The following GRIK4 variants were observed in gnomAD, a reference collection of about 807,000 sequenced individuals.
GRIK4 encodes the protein glutamate receptor ionotropic, kainate 4.
GRIK4 carries 40 observed loss-of-function variants against 104.9 expected under a neutral mutation model. The ratio of observed to expected loss-of-function variants is 0.38; its 90% CI spans 0.30 to 0.50. The LOEUF (loss-of-function observed/expected upper bound fraction) is 0.50, where lower values mean the gene tolerates loss of function less well. Among genes scored for constraint, GRIK4 ranks in the 20% least tolerant of loss-of-function variants. GRIK4 has a pLI of 0.93. For synonymous variants in GRIK4, 485 were observed against 524.9 expected (o/e 0.92, Z 1.04); for missense variants, 1,047 against 1,308.1 (o/e 0.80, Z 3.08).
At chr11:120,780,419 G>A (rs7945234) in intron 3 of GRIK4, among the ~76,000 whole-genome samples, 3,622 of 152,232 alleles carry the variant, frequency 0.024, 166 homozygotes, top group African/African-American at 0.083. Flanking sequence ...ATTTCACTTA[G>A]CATAATGTTT....
chr11:120,631,426 T>C (rs1399583672), intron 1 of GRIK4, among the ~76,000 whole-genome samples: 1 of 152,164 alleles, frequency 6.6e-6, no homozygotes, highest in Non-Finnish European at 1.5e-5. Flanking sequence ...GATGTGACGC[T>C]ACTAAAGCAT....
chr11:120,720,252 A>T (rs1950906777), intron 3 of GRIK4, among the ~76,000 whole-genome samples: 1 of 152,216 alleles, frequency 6.6e-6, no homozygotes, highest in African/African-American at 2.4e-5. Context: ...GTCACAGCGT[A>T]TTAAGGTCTG....
At chr11:120,646,800 C>A (rs139827448) in intron 1 of GRIK4, among the ~76,000 whole-genome samples, 1 of 152,280 alleles carries the variant, frequency 6.6e-6, no homozygotes, top group Non-Finnish European at 1.5e-5. Context: ...ACTAACCAAC[C>A]ACAGGGGTCT....
rs138781525 is a variant in GRIK4 at position 120,974,203 on chromosome 11, C to T, written c.2395+6880C>T. On this transcript the variant is annotated intron_variant, in intron 19 of 20. Transcript: ENST00000527524. ...GATTACAGGCGTGAGCCACCACACCCGGGCTTTAAGTCTTTAAGTGTTCAC... is the reference window on the plus strand; with the variant it reads ...GATTACAGGCGTGAGCCACCACACCTGGGCTTTAAGTCTTTAAGTGTTCAC... Among the ~76,000 whole-genome samples the T allele has an allele frequency of 6.2e-3, 938 of 152,330 alleles. 32 individuals are homozygous for T. The East Asian group carries it at 0.075, about 12-fold the overall frequency.
chr11:120,931,668 T>C (rs573032342), intron 13 of GRIK4, among the ~76,000 whole-genome samples: 213 of 152,318 alleles, frequency 1.4e-3, no homozygotes, highest in African/African-American at 4.8e-3. Flanking sequence ...AATAGTAACC[T>C]ATCTCATAGA....
At chr11:120,619,333 A>G (rs1949155981) in intron 1 of GRIK4, among the ~76,000 whole-genome samples, 1 of 152,200 alleles carries the variant, frequency 6.6e-6, no homozygotes. Flanking sequence ...TCTTGGAAGT[A>G]ACTAACTTGT....
intron 1 of GRIK4, among the ~76,000 whole-genome samples, chr11:120,630,376 G>A (rs1413069736): frequency 3.3e-5 from 5 of 152,272 alleles, no homozygotes; most frequent in Non-Finnish European, 2.9e-5. Context: ...GCTTGAAGAA[G>A]AGCAGTGAAT....
intron 3 of GRIK4, among the ~76,000 whole-genome samples, chr11:120,685,634 C>T (rs2135297430): frequency 6.6e-6 from 1 of 152,290 alleles, no homozygotes. Context: ...GCATTCTTTT[C>T]CCTATCAAAC....
At position 120,654,293 on chromosome 11, in the gene GRIK4, T is replaced by A. The variant is rs369842023; in HGVS notation, c.-51+501T>A. Among the ~76,000 whole-genome samples the A allele has an allele frequency of 2.6e-5, 4 of 152,198 alleles. No individual in the cohort carries two copies. In the East Asian group the frequency reaches 7.7e-4, roughly 29 times the overall value. On this transcript the variant is annotated intron_variant, in intron 2 of 20. Transcript: ENST00000527524. ...TTCTGAGCCTCAGCTTCCTCATTTG[T>A]GAAATGGAGATGCAATGCCATCTTA... is the stretch of plus-strand genomic sequence containing the variant.
chr11:120,929,057 A>T (rs1041270287), intron 13 of GRIK4, among the ~76,000 whole-genome samples: 1 of 151,696 alleles, frequency 6.6e-6, no homozygotes, highest in Non-Finnish European at 1.5e-5. Flanking sequence ...GTGTTGGCAC[A>T]GGTGAACAAT....
chr11:120,798,462 T>A (rs1224833061), intron 3 of GRIK4, among the ~76,000 whole-genome samples: 2 of 151,848 alleles, frequency 1.3e-5, no homozygotes, highest in African/African-American at 2.4e-5. Flanking sequence ...ATGCCAGGTT[T>A]TGTTTTTGTT....
intron 1 of GRIK4, among the ~76,000 whole-genome samples, chr11:120,653,092 T>C (rs998046570): frequency 5.9e-5 from 9 of 152,358 alleles, no homozygotes; most frequent in Admixed American, 2.6e-4. Context: ...CATTCATTCA[T>C]TCATTCATGC....
At chr11:120,907,158 T>C (rs758480743) in intron 13 of GRIK4, among the ~76,000 whole-genome samples, 13 of 152,222 alleles carry the variant, frequency 8.5e-5, no homozygotes, top group African/African-American at 1.7e-4. Flanking sequence ...TGGTTTCCAC[T>C]GTGAAGGTGC....
intron 3 of GRIK4, among the ~76,000 whole-genome samples, chr11:120,765,181 G>C (rs78397113): frequency 6.6e-6 from 1 of 150,650 alleles, no homozygotes; most frequent in African/African-American, 2.4e-5. Flanking sequence ...TTCTAATCTT[G>C]TCTTCACACT....
chr11:120,575,440 A>G (rs1034124273), intron 1 of GRIK4, among the ~76,000 whole-genome samples: 3 of 151,940 alleles, frequency 2.0e-5, no homozygotes, highest in East Asian at 3.9e-4. Context: ...TCCTCTCACC[A>G]TCTATCTTCC....
intron 12 of GRIK4, among the ~76,000 whole-genome samples, chr11:120,899,634 G>A (rs1029624560): frequency 6.6e-6 from 1 of 152,106 alleles, no homozygotes; most frequent in Non-Finnish European, 1.5e-5. Flanking sequence ...TAAGTCAAGT[G>A]CATACATGGC....
chr11:120,804,366 C>G (rs1273837589), intron 4 of GRIK4, among the ~76,000 whole-genome samples: 2 of 152,100 alleles, frequency 1.3e-5, no homozygotes, highest in Non-Finnish European at 2.9e-5. Context: ...CCACACAGGC[C>G]CAAGCATCAC....
intron 9 of GRIK4, among the ~76,000 whole-genome samples, chr11:120,867,066 A>C (rs971777714): frequency 4.6e-5 from 7 of 152,034 alleles, no homozygotes; most frequent in Admixed American, 4.6e-4. Flanking sequence ...TATAACCTGG[A>C]GTAGAACGTA....
At chr11:120,983,702 C>T (rs966195385) in intron 20 of GRIK4, among the ~76,000 whole-genome samples, 4 of 152,132 alleles carry the variant, frequency 2.6e-5, no homozygotes, top group Non-Finnish European at 4.4e-5. Flanking sequence ...TGCTGTCTCC[C>T]AGCAATTGGT....
Sources: allele counts gnomAD v4.1 joint callset (sites outside exome capture counted in the v4.1 genomes callset), GRCh38; gene constraint gnomAD v4.1.1; transcripts MANE v1.5; gene names NCBI Gene and HGNC (gene_info 2026-07-23, HGNC 2026-07-21).